The following UNC5B variants were observed in gnomAD, a reference collection of about 807,000 sequenced individuals.
UNC5B encodes the protein netrin receptor UNC5B.
A neutral mutation model predicts 103.7 loss-of-function variants in UNC5B; 56 were observed. The observed-to-expected ratio is 0.54, with a 90% CI of 0.44 to 0.67. The LOEUF (loss-of-function observed/expected upper bound fraction) is 0.67. Ranked by LOEUF, UNC5B falls within the 30% of genes least tolerant of loss-of-function variation. The pLI, the probability that UNC5B is intolerant of heterozygous loss-of-function variation, is 0.00. For synonymous variants in UNC5B, 577 were observed against 542.0 expected (o/e 1.06, Z -0.90); for missense variants, 1,194 against 1,284.5 (o/e 0.93, Z 1.08).
At chr10:71,231,492 C>T (rs552464344) in intron 1 of UNC5B, among the ~76,000 whole-genome samples, 2 of 152,324 alleles carry the variant, frequency 1.3e-5, no homozygotes, top group African/African-American at 4.8e-5. Context: ...TGTTTGAATA[C>T]AGACTTATGT....
intron 1 of UNC5B, among the ~76,000 whole-genome samples, chr10:71,219,079 G>A (rs1322703873): frequency 6.6e-6 from 1 of 152,120 alleles, no homozygotes; most frequent in Non-Finnish European, 1.5e-5. Context: ...GGAGCAGGGA[G>A]GCCTATAGGA....
intron 13 of UNC5B, among the ~76,000 whole-genome samples, chr10:71,295,497 C>G (rs1444030995): frequency 6.6e-6 from 1 of 152,206 alleles, no homozygotes; most frequent in African/African-American, 2.4e-5. Context: ...ATATACCCAT[C>G]CTTGTATATC....
At chr10:71,250,761 C>T (rs940508472) in intron 1 of UNC5B, among the ~76,000 whole-genome samples, 2 of 152,220 alleles carry the variant, frequency 1.3e-5, no homozygotes, top group East Asian at 1.9e-4. Context: ...GGTTATCCCC[C>T]TCCTAGCTCC....
chr10:71,245,006 A>G (rs1242757706), intron 1 of UNC5B, among the ~76,000 whole-genome samples: 2 of 152,252 alleles, frequency 1.3e-5, no homozygotes, highest in Non-Finnish European at 2.9e-5. Flanking sequence ...GCCACTAAAT[A>G]ATAACCATTT....
In UNC5B at chr10:71,287,859, A is replaced by G. The variant is rs746784637; in HGVS notation, c.901+94A>G. On this transcript the variant is annotated intron_variant, in intron 6 of 16. Coordinates refer to ENST00000335350, the MANE Select transcript of UNC5B (RefSeq NM_170744.5). ...CCGGGACAGCCATTCTCTCCCCAGCATGGGGAGCAGAAGGTGCTTGTCCCG... is the reference window on the plus strand; with the variant it reads ...CCGGGACAGCCATTCTCTCCCCAGCGTGGGGAGCAGAAGGTGCTTGTCCCG... 182 of 1,481,224 alleles carry G rather than the reference A, an allele frequency of 1.2e-4. No individual in the cohort carries two copies. The Middle Eastern group carries it at 2.8e-3, about 23-fold the overall frequency. 91.8% of individuals were successfully genotyped at this position (1,481,224 alleles called of 1,614,324 possible).
At chr10:71,287,824 T>A (rs1845133505) in intron 6 of UNC5B, 59 bp downstream of exon 6, 11 of 1,575,216 alleles carry the variant, frequency 7.0e-6, no homozygotes, top group Middle Eastern at 1.7e-4. Context: ...TTCTGTTTTG[T>A]GTGCCAGAGC....
Position 71,291,810 on chromosome 10 carries a change from T to A in UNC5B, c.1673T>A (p.Ile558Asn), listed in dbSNP as rs371846529. The change falls in exon 10 of 17, where the codon ATC (isoleucine) becomes AAC (asparagine). Residue 558 changes from isoleucine to asparagine, a missense_variant. Coordinates refer to ENST00000335350, the MANE Select transcript of UNC5B (RefSeq NM_170744.5). Reference protein sequence around the residue: ...TFGCLGGRLSIPGTGVSLLVP... With the variant: ...TFGCLGGRLSNPGTGVSLLVP... ...GGCTGCCTGGGTGGGAGGCTCAGCATCCCCGGCACAGGTGAGCCCCTGCCC... is the reference window on the plus strand; with the variant it reads ...GGCTGCCTGGGTGGGAGGCTCAGCAACCCCGGCACAGGTGAGCCCCTGCCC... 3 of 1,597,144 alleles carry A rather than the reference T, an allele frequency of 1.9e-6. No individual in the cohort carries two copies. The highest frequency in any genetic ancestry group is 2.5e-6 in the Non-Finnish European group (3 of 1,176,624).
In UNC5B at chr10:71,291,844, C is replaced by T. The variant is rs746597252; in HGVS notation, c.1684+23C>T. The stretch of plus-strand genomic sequence containing the variant: ...CAGGTGAGCCCCTGCCCTGCTTGTG[C>T]GTCAGCCTGGCCTTAGCACCTCCTC... On this transcript the variant is annotated intron_variant, in intron 10 of 16. Transcript: ENST00000335350. The T allele has an allele frequency of 8.9e-6, 14 of 1,567,394 alleles. No homozygotes were observed. In the African/African-American group the frequency reaches 1.1e-4, roughly 12 times the overall value.
chr10:71,266,555 C>T (rs1041491096), intron 1 of UNC5B, among the ~76,000 whole-genome samples: 7 of 152,286 alleles, frequency 4.6e-5, no homozygotes, highest in East Asian at 1.9e-4. Context: ...GCACTCCATC[C>T]GCCCCACACG....
intron 1 of UNC5B, among the ~76,000 whole-genome samples, chr10:71,238,104 A>G (rs1440214141): frequency 2.6e-5 from 4 of 152,226 alleles, no homozygotes; most frequent in Non-Finnish European, 1.5e-5. Context: ...CAGAAGCTAA[A>G]TAAATAGGAG....
At chr10:71,298,113 C>T (rs371325249) in intron 16 of UNC5B, 23 bp downstream of exon 16, 27 of 1,575,076 alleles carry the variant, frequency 1.7e-5, no homozygotes, top group Middle Eastern at 3.4e-4. Flanking sequence ...AACCACAGCC[C>T]ATCCCCATCT....
intron 1 of UNC5B, among the ~76,000 whole-genome samples, chr10:71,257,341 G>C (rs1844313538): frequency 6.6e-6 from 1 of 152,268 alleles, no homozygotes; most frequent in South Asian, 2.1e-4. Context: ...GAATAGGGAA[G>C]TTCAGGTTGA....
chr10:71,271,264 A>G (rs1844639273), intron 1 of UNC5B, among the ~76,000 whole-genome samples: 1 of 152,228 alleles, frequency 6.6e-6, no homozygotes, highest in Admixed American at 6.5e-5. Flanking sequence ...CATCTGTAAA[A>G]TGGAACAGCT....
At chr10:71,222,549 A>G (rs1301747541) in intron 1 of UNC5B, among the ~76,000 whole-genome samples, 1 of 151,962 alleles carries the variant, frequency 6.6e-6, no homozygotes, top group Non-Finnish European at 1.5e-5. Context: ...TGACCTCTGG[A>G]TAGGGCTAGG....
At chr10:71,239,470 T>C (rs1372671561) in intron 1 of UNC5B, among the ~76,000 whole-genome samples, 1 of 152,108 alleles carries the variant, frequency 6.6e-6, no homozygotes, top group Non-Finnish European at 1.5e-5. Context: ...GGGCTCCTCA[T>C]GCATGTCACT....
chr10:71,288,846 GC>G, intron 7 of UNC5B, 111 bp from the exon 8 acceptor site: 5 of 1,560,206 alleles, frequency 3.2e-6, no homozygotes, highest in Non-Finnish European at 4.4e-6. Context: ...AGTCCTCAGG[GC>G]CTCTGTCCCC....
Position 71,285,535 on chromosome 10 carries a change from C to T in UNC5B, c.552+106C>T, listed in dbSNP as rs145517992. On this transcript the variant is annotated intron_variant, in intron 4 of 16. Coordinates refer to ENST00000335350, the MANE Select transcript of UNC5B (RefSeq NM_170744.5). ...AGCCATGGTGCTAGTCTCCCAGAGCCCTGCCCCTTTCGCAGATGAGATCGA... is the reference window on the plus strand; with the variant it reads ...AGCCATGGTGCTAGTCTCCCAGAGCTCTGCCCCTTTCGCAGATGAGATCGA... The T allele has an allele frequency of 9.7e-4, 949 of 982,936 alleles. 4 individuals carry two copies. The African/African-American group carries it at 0.011, about 11-fold the overall frequency. The allele number at this position is 982,936 out of a possible 1,614,324, so 60.9% of individuals were successfully genotyped here.
chr10:71,282,902 G>A (rs1248106563), intron 2 of UNC5B, among the ~76,000 whole-genome samples: 2 of 152,056 alleles, frequency 1.3e-5, no homozygotes, highest in Admixed American at 1.3e-4. Flanking sequence ...AATTCACGAG[G>A]TCAGGAGATC....
intron 1 of UNC5B, among the ~76,000 whole-genome samples, chr10:71,272,438 A>G (rs1844668730): frequency 6.6e-6 from 1 of 152,106 alleles, no homozygotes; most frequent in African/African-American, 2.4e-5. Context: ...CTACCAGACC[A>G]CAGCAGCCTC....
Sources: gnomAD v4.1 joint callset for allele counts (sites outside exome capture counted in the v4.1 genomes callset) on GRCh38, gnomAD v4.1.1 for gene constraint, MANE v1.5 for transcripts, NCBI Gene and HGNC (gene_info 2026-07-23, HGNC 2026-07-21) for gene names.